HPSE2: variants seen among roughly 807,000 people sequenced by gnomAD.
HPSE2 encodes the protein heparanase 2 (inactive).
A neutral mutation model predicts 60.5 loss-of-function variants in HPSE2; 38 were observed. The observed-to-expected ratio is 0.63, with a 90% CI of 0.48 to 0.82. The LOEUF (loss-of-function observed/expected upper bound fraction) is 0.82, where lower values mean the gene tolerates loss of function less well. HPSE2 is among the 40% of genes least tolerant of loss of function. The pLI, the probability that HPSE2 is intolerant of heterozygous loss-of-function variation, is 0.00. For synonymous variants in HPSE2, 295 were observed against 293.2 expected, an observed-to-expected ratio of 1.01 and a Z score of -0.06; for missense variants, 713 against 740.4, an observed-to-expected ratio of 0.96 and a Z score of 0.43.
intron 3 of HPSE2, among the ~76,000 whole-genome samples, chr10:98,913,965 C>T (rs1590067048): frequency 6.6e-6 from 1 of 152,226 alleles, no homozygotes; most frequent in African/African-American, 2.4e-5. Flanking sequence ...CATATAATCA[C>T]TGAGGAAAAT....
At chr10:98,999,018 G>A (rs1324923011) in intron 3 of HPSE2, among the ~76,000 whole-genome samples, 1 of 152,192 alleles carries the variant, frequency 6.6e-6, no homozygotes, top group Non-Finnish European at 1.5e-5. Context: ...GGGTTTGTAT[G>A]TAAGAGGAGA....
chr10:98,618,697 C>T (rs1945989440), intron 8 of HPSE2, among the ~76,000 whole-genome samples: 1 of 152,184 alleles, frequency 6.6e-6, no homozygotes, highest in Non-Finnish European at 1.5e-5. Flanking sequence ...CCGCCTCAGC[C>T]TCCCAAGTAG....
chr10:98,977,669 T>G (rs1956115588), intron 3 of HPSE2, among the ~76,000 whole-genome samples: 1 of 152,146 alleles, frequency 6.6e-6, no homozygotes, highest in South Asian at 2.1e-4. Flanking sequence ...ATATAAACAC[T>G]GTCTTCCATA....
intron 2 of HPSE2, among the ~76,000 whole-genome samples, chr10:99,164,381 T>C (rs1252431146): frequency 6.6e-6 from 1 of 150,680 alleles, no homozygotes; most frequent in African/African-American, 2.4e-5. Context: ...TGAGCTTCTA[T>C]AATTTTTTGA....
intron 3 of HPSE2, among the ~76,000 whole-genome samples, chr10:98,837,539 G>T (rs1425764540): frequency 6.6e-6 from 1 of 152,164 alleles, no homozygotes; most frequent in Non-Finnish European, 1.5e-5. Flanking sequence ...CAGGATTGTG[G>T]TTACCTCAGG....
At chr10:99,006,292 C>G (rs1956891173) in intron 3 of HPSE2, among the ~76,000 whole-genome samples, 1 of 152,086 alleles carries the variant, frequency 6.6e-6, no homozygotes, top group Non-Finnish European at 1.5e-5. Flanking sequence ...AGTCTAGAAC[C>G]AGAGTCTGTT....
intron 11 of HPSE2, among the ~76,000 whole-genome samples, chr10:98,468,582 C>T (rs933993640): frequency 1.3e-5 from 2 of 152,032 alleles, no homozygotes; most frequent in Admixed American, 6.6e-5. Context: ...TAGCGTCCCT[C>T]TCAGGCTTAT....
chr10:99,235,452 G>A, intron 1 of HPSE2, 61 bp downstream of exon 1: 1 of 1,441,868 alleles, frequency 6.9e-7, no homozygotes, highest in Non-Finnish European at 9.8e-7. Context: ...TGGGGGATAG[G>A]AAGGGCTTGA....
At chr10:98,965,472 G>A (rs181905313) in intron 3 of HPSE2, among the ~76,000 whole-genome samples, 1 of 151,976 alleles carries the variant, frequency 6.6e-6, no homozygotes, top group East Asian at 1.9e-4. Context: ...ATGACACATG[G>A]TAGGCATTCA....
intron 2 of HPSE2, among the ~76,000 whole-genome samples, chr10:99,228,931 TG>T (rs201266294): frequency 0.028 from 4,282 of 152,104 alleles, 201 homozygotes; most frequent in African/African-American, 0.098. Context: ...CCCAGCACTT[TG>T]GGGAGGCTGA....
chr10:99,250,163 G>A, the HPSE2 span, among the ~76,000 whole-genome samples: 2 of 150,630 alleles, frequency 1.3e-5, no homozygotes, highest in Admixed American at 6.6e-5. Flanking sequence ...AAAAAAAGTG[G>A]GTAGCACCTC....
intron 9 of HPSE2, among the ~76,000 whole-genome samples, chr10:98,506,762 C>T (rs546002326): frequency 3.9e-5 from 6 of 152,220 alleles, no homozygotes. Context: ...CTGAACCCGG[C>T]CTGATTTTCC....
intron 3 of HPSE2, among the ~76,000 whole-genome samples, chr10:98,941,898 C>A (rs1955016473): frequency 2.8e-5 from 4 of 140,656 alleles, no homozygotes; most frequent in African/African-American, 1.2e-4. Context: ...ATCAATGGAA[C>A]AGAACAGAGC....
chr10:99,031,164 G>T (rs1451597861), intron 3 of HPSE2, among the ~76,000 whole-genome samples: 2 of 152,030 alleles, frequency 1.3e-5, no homozygotes, highest in African/African-American at 2.4e-5. Flanking sequence ...TAACACAAAG[G>T]CTGAATGCTT....
At chr10:99,198,999 T>A (rs1371392117) in intron 2 of HPSE2, among the ~76,000 whole-genome samples, 1 of 152,192 alleles carries the variant, frequency 6.6e-6, no homozygotes, top group Non-Finnish European at 1.5e-5. Context: ...GGTTAATCCA[T>A]GTTGTCACAT....
rs190069463 is a variant in HPSE2, at chr10:98,679,385, C to T, written c.1004+14515G>A. Among the ~76,000 whole-genome samples the T allele has an allele frequency of 3.7e-3, 562 of 152,260 alleles. 4 individuals carry two copies. Among genetic ancestry groups the T allele is most frequent in the African/African-American group, 0.013 (539 of 41,546 alleles). On this transcript the variant is annotated intron_variant, in intron 6 of 11. Transcript: ENST00000370552. ...ATTCTCACCTCTCATGAGTGCACAG[C>T]GGCATTTTCCAGAGTCCATATGACA...
At chr10:98,976,736 G>GGA (rs1956094746) in intron 3 of HPSE2, among the ~76,000 whole-genome samples, 1 of 137,964 alleles carries the variant, frequency 7.2e-6, no homozygotes, top group African/African-American at 2.6e-5. Flanking sequence ...CGTGGTAAGC[G>GGA]AAAAAAAAAA....
chr10:98,560,879 GTATA>G (rs1415964704), intron 9 of HPSE2, among the ~76,000 whole-genome samples: 3 of 151,920 alleles, frequency 2.0e-5, no homozygotes, highest in African/African-American at 7.3e-5. Context: ...TTGTACAGTT[GTATA>G]AAAGTATAGC....
intron 3 of HPSE2, among the ~76,000 whole-genome samples, chr10:98,905,173 ATTATAC>A (rs1205769292): frequency 6.7e-6 from 1 of 148,476 alleles, no homozygotes; most frequent in African/African-American, 2.5e-5. Flanking sequence ...TTTTTTTTTT[ATTATAC>A]TTTAAGTTTT....
Sources: gnomAD v4.1 joint callset for allele counts (sites outside exome capture counted in the v4.1 genomes callset) on GRCh38, gnomAD v4.1.1 for gene constraint, MANE v1.5 for transcripts, NCBI Gene and HGNC (gene_info 2026-07-23, HGNC 2026-07-21) for gene names.